The following PCDH7 variants were observed in gnomAD, a reference collection of about 807,000 sequenced individuals.
PCDH7 encodes protocadherin-7.
In PCDH7, 17 loss-of-function variants were observed where a neutral mutation model predicts 58.9. That is an observed-to-expected ratio of 0.29 (90% CI 0.20 to 0.43). The LOEUF is 0.43. PCDH7 is among the 20% of genes least tolerant of loss of function. The pLI is 1.00. For missense variants in PCDH7, 1,274 were observed against 1,441.0 expected, an observed-to-expected ratio of 0.88 and a Z score of 1.88; for synonymous variants, 664 against 616.4, an observed-to-expected ratio of 1.08 and a Z score of -1.14.
intron 3 of PCDH7, among the ~76,000 whole-genome samples, chr4:31,126,478 A>G (rs1166950171): frequency 6.6e-6 from 1 of 152,162 alleles, no homozygotes; most frequent in South Asian, 2.1e-4. Context: ...GAATGTATGA[A>G]TAAATATAGT....
chr4:31,079,309 G>GATATATATAT (rs149501069), intron 3 of PCDH7, among the ~76,000 whole-genome samples: 3 of 67,468 alleles, frequency 4.4e-5, no homozygotes, highest in Non-Finnish European at 6.4e-5. Flanking sequence ...AATACTGGAA[G>GATATATATAT]ATATATATAT....
intron 3 of PCDH7, among the ~76,000 whole-genome samples, chr4:31,119,948 GT>G (rs200774411): frequency 7.1e-4 from 104 of 145,944 alleles, no homozygotes; most frequent in East Asian, 7.0e-3. Context: ...CCAGTTTCAG[GT>G]TTTTTTTTTT....
exon 4 of PCDH7, chr4:31,142,539 A>G (rs767457624): frequency 1.5e-6 from 2 of 1,367,622 alleles, no homozygotes. Flanking sequence ...GAGTATGGCC[A>G]CTCAGACTCC....
chr4:30,950,202 C>T (rs1258996673), exon 3 of PCDH7: 1 of 152,578 alleles, frequency 6.6e-6, no homozygotes, highest in Non-Finnish European at 1.5e-5. Context: ...TAAGGCCTCT[C>T]CATTAATCAA....
intron 3 of PCDH7, among the ~76,000 whole-genome samples, chr4:31,010,269 C>G (rs999494237): frequency 2.0e-5 from 3 of 151,886 alleles, no homozygotes; most frequent in African/African-American, 7.2e-5. Flanking sequence ...GAGCTAGAAA[C>G]TTAATGAAAA....
chr4:30,736,815 C>T (rs1577593936), downstream of PCDH7, among the ~76,000 whole-genome samples: 1 of 152,186 alleles, frequency 6.6e-6, no homozygotes, highest in East Asian at 1.9e-4. Flanking sequence ...GGATTACAGG[C>T]GTGAGCCACC....
chr4:30,967,237 T>C (rs1022795235), intron 3 of PCDH7, among the ~76,000 whole-genome samples: 5 of 152,060 alleles, frequency 3.3e-5, no homozygotes, highest in East Asian at 1.9e-4. Flanking sequence ...ATAAACACAA[T>C]TGATTTTTAT....
At chr4:30,844,921 T>A (rs554892575) in intron 1 of PCDH7, among the ~76,000 whole-genome samples, 1 of 152,244 alleles carries the variant, frequency 6.6e-6, no homozygotes, top group South Asian at 2.1e-4. Context: ...TCTTTGAAAA[T>A]CTGTGTATGA....
chr4:30,991,776 T>G (rs1385140102), intron 3 of PCDH7, among the ~76,000 whole-genome samples: 3 of 152,140 alleles, frequency 2.0e-5, no homozygotes, highest in African/African-American at 7.2e-5. Context: ...AGAAAATAAT[T>G]AAAGTATTGC....
Position 30,723,259 on chromosome 4 carries a change from G to A in PCDH7, c.1837G>A (p.Asp613Asn). Residue 613 changes from aspartate to asparagine, a missense_variant, in exon 1 of 2, where the codon GAC becomes AAC. Coordinates refer to ENST00000361762, the Ensembl canonical transcript of PCDH7. This position sits in a 1 kb window ranked among gnomAD's most constrained non-coding sequence, Gnocchi z 4.6. ...GTATGAGTTTAAAGTTAACGCCAAA[G>A]ACAAAGGCATCCCCGTGCTGCAGGG... 4 of 1,614,226 alleles carry A rather than the reference G, an allele frequency of 2.5e-6. No homozygotes were observed. In the African/African-American group the frequency reaches 4.0e-5, roughly 16 times the overall value.
intron 1 of PCDH7, among the ~76,000 whole-genome samples, chr4:30,908,243 TA>T (rs5857211): frequency 3.1e-4 from 43 of 140,934 alleles, no homozygotes; most frequent in South Asian, 1.6e-3. Context: ...TAAAGAATAA[TA>T]AAAAAAAAAA....
intron 2 of PCDH7, 42 bp downstream of exon 2, chr4:30,920,411 G>A: frequency 7.5e-7 from 1 of 1,324,674 alleles, no homozygotes; most frequent in South Asian, 1.2e-5. Context: ...TCACGCTAGT[G>A]AGCCGTAATA....
chr4:30,838,314 AT>A (rs896519322), intron 1 of PCDH7, among the ~76,000 whole-genome samples: 35 of 149,952 alleles, frequency 2.3e-4, no homozygotes, highest in Non-Finnish European at 3.7e-4. Flanking sequence ...TTTGATATAC[AT>A]TTTTTTTTTA....
chr4:30,941,347 C>T (rs1207177505), intron 2 of PCDH7, among the ~76,000 whole-genome samples: 1 of 151,882 alleles, frequency 6.6e-6, no homozygotes, highest in African/African-American at 2.4e-5. Flanking sequence ...GGGAAATCAT[C>T]CATTTTGTTT....
chr4:31,142,400 CT>C, intron 3 of PCDH7, 72 bp from the exon 3 acceptor site: 2 of 1,199,544 alleles, frequency 1.7e-6, no homozygotes, highest in Non-Finnish European at 2.2e-6. Flanking sequence ...TATATTTCCT[CT>C]AATTTCATAT....
chr4:31,080,747 A>G (rs1412430526), intron 3 of PCDH7, among the ~76,000 whole-genome samples: 4 of 152,214 alleles, frequency 2.6e-5, no homozygotes, highest in Non-Finnish European at 4.4e-5. Flanking sequence ...GCTAAATATT[A>G]TAATGTGATA....
At chr4:30,811,750 G>T (rs1046307947) in intron 1 of PCDH7, among the ~76,000 whole-genome samples, 8 of 152,160 alleles carry the variant, frequency 5.3e-5, no homozygotes, top group Non-Finnish European at 1.2e-4. Flanking sequence ...TTTTAGTGAT[G>T]AAAGTGTCCC....
At chr4:30,866,110 T>G (rs2109358182) in intron 1 of PCDH7, among the ~76,000 whole-genome samples, 1 of 152,192 alleles carries the variant, frequency 6.6e-6, no homozygotes, top group East Asian at 1.9e-4. Flanking sequence ...AGTCTTGAGT[T>G]ATTTCTGCTC....
intron 3 of PCDH7, among the ~76,000 whole-genome samples, chr4:31,114,668 C>CACACACAT (rs397992808): frequency 1.4e-5 from 2 of 145,284 alleles, no homozygotes; most frequent in Non-Finnish European, 3.0e-5. Context: ...CACACACACA[C>CACACACAT]GAAGAGATGG....
Sources: allele counts gnomAD v4.1 joint callset (sites outside exome capture counted in the v4.1 genomes callset), GRCh38; gene constraint gnomAD v4.1.1; non-coding constraint Gnocchi (gnomAD v3.1); transcripts MANE v1.5; gene names NCBI Gene and HGNC (gene_info 2026-07-23, HGNC 2026-07-21).